The following ROBO2 variants were observed in gnomAD, a reference collection of about 807,000 sequenced individuals.
The protein encoded by ROBO2 is roundabout guidance receptor 2, also known as roundabout homolog 2.
Under a neutral mutation model 160.8 loss-of-function variants are expected in ROBO2, and 53 were observed. That is an observed-to-expected ratio of 0.33 (90% CI 0.26 to 0.41). The LOEUF (loss-of-function observed/expected upper bound fraction) is 0.41. Among genes scored for constraint, ROBO2 ranks in the 10% least tolerant of loss-of-function variants. ROBO2 has a pLI of 1.00. For missense variants in ROBO2, 1,577 were observed against 1,722.4 expected, an observed-to-expected ratio of 0.92 and a Z score of 1.49; for synonymous variants, 664 against 611.7, an observed-to-expected ratio of 1.09 and a Z score of -1.26.
At chr3:76,655,391 A>C in intron 2 of ROBO2, among the ~76,000 whole-genome samples, 1 of 108,732 alleles carries the variant, frequency 9.2e-6, no homozygotes, top group Non-Finnish European at 1.9e-5. Context: ...TCAAAAAAAA[A>C]ACTATTTGAA....
intron 2 of ROBO2, among the ~76,000 whole-genome samples, chr3:76,055,544 T>C (rs1021629694): frequency 6.6e-6 from 1 of 152,118 alleles, no homozygotes; most frequent in African/African-American, 2.4e-5. Context: ...TCCATCTTTA[T>C]ATCCATGTGC....
chr3:77,466,549 AT>A (rs1171904315), intron 2 of ROBO2, among the ~76,000 whole-genome samples: 2 of 152,182 alleles, frequency 1.3e-5, no homozygotes, highest in Non-Finnish European at 2.9e-5. Flanking sequence ...AATAGCTAAA[AT>A]GATGGAAATG....
chr3:77,572,386 A>G (rs1017003394), intron 13 of ROBO2, among the ~76,000 whole-genome samples: 4 of 152,038 alleles, frequency 2.6e-5, no homozygotes, highest in Middle Eastern at 3.4e-3. Flanking sequence ...CTTATTTCAT[A>G]GTGTCAGAAA....
At chr3:76,399,349 C>T (rs1436000522) in intron 2 of ROBO2, among the ~76,000 whole-genome samples, 1 of 151,606 alleles carries the variant, frequency 6.6e-6, no homozygotes, top group African/African-American at 2.4e-5. Context: ...GAGGAAGGAA[C>T]TCTTTGAGGG....
At chr3:76,734,360 G>A (rs2107908124) in intron 2 of ROBO2, among the ~76,000 whole-genome samples, 1 of 152,230 alleles carries the variant, frequency 6.6e-6, no homozygotes, top group East Asian at 1.9e-4. Context: ...CAATGACAAC[G>A]GGTATAAACT....
At chr3:76,446,224 C>G (rs2077173220) in intron 2 of ROBO2, among the ~76,000 whole-genome samples, 1 of 152,150 alleles carries the variant, frequency 6.6e-6, no homozygotes. Context: ...GCAAAAATCA[C>G]AAGCATTCTT....
At chr3:77,380,701 C>G (rs539270266) in intron 2 of ROBO2, among the ~76,000 whole-genome samples, 1 of 150,516 alleles carries the variant, frequency 6.6e-6, no homozygotes, top group East Asian at 2.0e-4. Context: ...CCCTCCTTCC[C>G]TCCCTTCCTT....
intron 2 of ROBO2, among the ~76,000 whole-genome samples, chr3:76,681,037 A>C (rs952025207): frequency 1.3e-5 from 2 of 152,126 alleles, no homozygotes; most frequent in Non-Finnish European, 2.9e-5. Context: ...TCAGCCTCCC[A>C]AAGTGCTGGG....
At chr3:75,937,891 A>ATGTG (rs369715198) in intron 2 of ROBO2, among the ~76,000 whole-genome samples, 1 of 129,576 alleles carries the variant, frequency 7.7e-6, no homozygotes, top group African/African-American at 3.0e-5. Flanking sequence ...TTATGAGGCT[A>ATGTG]TGTGTGTGTG....
At chr3:76,721,298 T>C (rs173711) in intron 2 of ROBO2, among the ~76,000 whole-genome samples, 74,183 of 152,038 alleles carry the variant, frequency 0.49, 18,388 homozygotes, top group Non-Finnish European at 0.53. Context: ...TGAGCTTCTG[T>C]GATAAGAGAA....
intron 2 of ROBO2, among the ~76,000 whole-genome samples, chr3:76,304,470 A>G (rs1205911357): frequency 6.6e-6 from 1 of 152,210 alleles, no homozygotes; most frequent in African/African-American, 2.4e-5. Context: ...TGGTCTTTCA[A>G]GAGTTATGAA....
intron 2 of ROBO2, among the ~76,000 whole-genome samples, chr3:76,986,838 A>G (rs1200834611): frequency 6.6e-6 from 1 of 152,152 alleles, no homozygotes; most frequent in East Asian, 1.9e-4. Flanking sequence ...TTTAATTGAT[A>G]TCTATTATTA....
intron 2 of ROBO2, chr3:76,435,373 A>G (rs910464593): frequency 1.9e-5 from 15 of 784,414 alleles, no homozygotes; most frequent in Non-Finnish European, 3.5e-5. Context: ...GAACAGTTCA[A>G]GACCCTACAG....
chr3:77,061,708 A>G (rs1297260161), intron 1 of ROBO2, among the ~76,000 whole-genome samples: 2 of 152,188 alleles, frequency 1.3e-5, no homozygotes, highest in Non-Finnish European at 2.9e-5. Context: ...TGTCCTCACA[A>G]TGATACCATT....
chr3:77,078,613 A>G (rs1045180439), intron 1 of ROBO2, among the ~76,000 whole-genome samples: 3 of 152,244 alleles, frequency 2.0e-5, no homozygotes, highest in Non-Finnish European at 2.9e-5. Flanking sequence ...GGCAGCAGAT[A>G]GAATTTTCAA....
chr3:76,829,461 CA>C (rs2066877327), intron 2 of ROBO2, among the ~76,000 whole-genome samples: 1 of 151,814 alleles, frequency 6.6e-6, no homozygotes, highest in African/African-American at 2.4e-5. Flanking sequence ...ACATGTACCC[CA>C]GAACTGAAAG....
intron 2 of ROBO2, among the ~76,000 whole-genome samples, chr3:77,393,701 G>A (rs992728171): frequency 6.6e-6 from 1 of 151,112 alleles, no homozygotes; most frequent in African/African-American, 2.4e-5. Flanking sequence ...GTTTATTAAA[G>A]TTATTACATT....
At chr3:77,053,808 A>C (rs2065449254) in intron 1 of ROBO2, among the ~76,000 whole-genome samples, 1 of 152,182 alleles carries the variant, frequency 6.6e-6, no homozygotes, top group South Asian at 2.1e-4. Flanking sequence ...GAAATCTAGA[A>C]ATCTAACTAG....
intron 2 of ROBO2, among the ~76,000 whole-genome samples, chr3:77,358,019 C>T (rs1186468122): frequency 2.0e-5 from 3 of 152,088 alleles, no homozygotes; most frequent in South Asian, 2.1e-4. Context: ...ATGTGTTCCT[C>T]GTTGGAAATG....
Sources: gnomAD v4.1 joint callset for allele counts (sites outside exome capture counted in the v4.1 genomes callset) on GRCh38, gnomAD v4.1.1 for gene constraint, MANE v1.5 for transcripts, NCBI Gene and HGNC (gene_info 2026-07-23, HGNC 2026-07-21) for gene names.